Variants in ZBTB7C observed in about 807,000 individuals in gnomAD.
ZBTB7C encodes the protein zinc finger and BTB domain-containing protein 7C.
ZBTB7C carries 8 observed loss-of-function variants against 25.7 expected under a neutral mutation model. That is an observed-to-expected ratio of 0.31 (90% CI 0.18 to 0.56). ZBTB7C has a LOEUF of 0.56. Among genes scored for constraint, ZBTB7C ranks in the 20% least tolerant of loss-of-function variants. The pLI is 0.91. For synonymous variants in ZBTB7C, 394 were observed against 369.0 expected (o/e 1.07, Z -0.78); for missense variants, 824 against 855.2 (o/e 0.96, Z 0.46).
At chr18:48,126,703 G>C (rs1024922377) in intron 3 of ZBTB7C, among the ~76,000 whole-genome samples, 1 of 152,164 alleles carries the variant, frequency 6.6e-6, no homozygotes, top group Admixed American at 6.5e-5. Context: ...CTGGGAGAAA[G>C]GGGGGAGGAC....
intron 3 of ZBTB7C, among the ~76,000 whole-genome samples, chr18:48,160,567 C>A (rs961859119): frequency 1.3e-5 from 2 of 152,120 alleles, no homozygotes; most frequent in African/African-American, 4.8e-5. Flanking sequence ...GTTAAAGATC[C>A]CGGTTAAATA....
chr18:48,089,343 G>A (rs371388169), intron 3 of ZBTB7C, among the ~76,000 whole-genome samples: 122 of 151,966 alleles, frequency 8.0e-4, no homozygotes, highest in African/African-American at 2.7e-3. Context: ...GGTGGTGGGC[G>A]CCTGTATAAT....
intron 3 of ZBTB7C, among the ~76,000 whole-genome samples, chr18:48,062,283 T>C (rs1222656972): frequency 2.0e-5 from 3 of 152,186 alleles, no homozygotes; most frequent in Admixed American, 6.5e-5. Flanking sequence ...TTAAGGGGCT[T>C]GATCCCCAGA....
At chr18:48,297,261 A>G (rs2045421726) in intron 2 of ZBTB7C, among the ~76,000 whole-genome samples, 1 of 152,160 alleles carries the variant, frequency 6.6e-6, no homozygotes, top group East Asian at 1.9e-4. Context: ...AAAAGTATTG[A>G]CATATGGTGA....
At chr18:48,136,513 C>G (rs1001068517) in intron 3 of ZBTB7C, among the ~76,000 whole-genome samples, 3 of 152,160 alleles carry the variant, frequency 2.0e-5, no homozygotes, top group Admixed American at 1.3e-4. Context: ...TTTTGTCCCC[C>G]CTCCCTCCCG....
intron 1 of ZBTB7C, among the ~76,000 whole-genome samples, chr18:48,343,624 C>T (rs914012518): frequency 1.3e-5 from 2 of 152,194 alleles, no homozygotes; most frequent in Non-Finnish European, 2.9e-5. Flanking sequence ...GGGTAAGCAA[C>T]TTAATTTCTC....
At chr18:48,395,616 A>T (rs1404599119) in intron 1 of ZBTB7C, among the ~76,000 whole-genome samples, 1 of 152,080 alleles carries the variant, frequency 6.6e-6, no homozygotes, top group Admixed American at 6.6e-5. Flanking sequence ...ACTGGTAAAA[A>T]TGTTAGTCTG....
intron 2 of ZBTB7C, among the ~76,000 whole-genome samples, chr18:48,260,735 A>T (rs1477772412): frequency 6.6e-6 from 1 of 152,192 alleles, no homozygotes; most frequent in Non-Finnish European, 1.5e-5. Context: ...ACCAAAGCAC[A>T]AGACACCAGT....
rs1296088787 is a variant in ZBTB7C at position 48,120,191 on chromosome 18, T to C, written c.-17+65743A>G. Among the ~76,000 whole-genome samples, 9 of 152,276 alleles carry C rather than the reference T, an allele frequency of 5.9e-5. 1 individual carries two copies. The highest frequency in any genetic ancestry group is 1.9e-4 in the African/African-American group (8 of 41,546). Reference sequence around the variant, plus strand: ...CATTGAGGAGTTGGAAGCAGCAGACTGACAGATCTTACTTATGGTTTAAAA... The same window carrying C: ...CATTGAGGAGTTGGAAGCAGCAGACCGACAGATCTTACTTATGGTTTAAAA... On this transcript the variant is annotated intron_variant, in intron 3 of 4. Coordinates refer to ENST00000590800, the MANE Select transcript of ZBTB7C (RefSeq NM_001318841.2).
At chr18:48,144,289 ATTT>A (rs78973683) in intron 3 of ZBTB7C, among the ~76,000 whole-genome samples, 21,860 of 151,272 alleles carry the variant, frequency 0.14, 1,763 homozygotes, top group South Asian at 0.23. Context: ...AAAAAAAAAA[ATTT>A]TTTTTTTCTT....
rs1018461035 is a variant in ZBTB7C, at chr18:48,063,922, A to G, written c.-16-22799T>C. Reference sequence around the variant, plus strand: ...TATATAATTTATAATTGATAATTAAATACTTATTAATAAGGACAGTGACAA... The same window carrying G: ...TATATAATTTATAATTGATAATTAAGTACTTATTAATAAGGACAGTGACAA... On this transcript the variant is annotated intron_variant, in intron 3 of 4. Transcript: ENST00000590800. 1.4e-4 allele frequency among the ~76,000 whole-genome samples: 22 copies of G among 151,814 alleles called. 1 individual carries two copies. The highest frequency in any genetic ancestry group is 5.3e-4 in the African/African-American group (22 of 41,386).
intron 2 of ZBTB7C, among the ~76,000 whole-genome samples, chr18:48,309,903 A>G (rs1051433652): frequency 6.6e-6 from 1 of 152,148 alleles, no homozygotes; most frequent in Non-Finnish European, 1.5e-5. Flanking sequence ...AGAGTTGCAA[A>G]TGTCAAGTGC....
intron 3 of ZBTB7C, among the ~76,000 whole-genome samples, chr18:48,159,057 G>C (rs1476642061): frequency 6.6e-6 from 1 of 151,994 alleles, no homozygotes; most frequent in Non-Finnish European, 1.5e-5. Flanking sequence ...GAGGCGACAG[G>C]GGATGCAGAG....
chr18:48,305,269 C>T (rs1336856678), intron 2 of ZBTB7C, among the ~76,000 whole-genome samples: 1 of 152,148 alleles, frequency 6.6e-6, no homozygotes. Flanking sequence ...CCCAGCCATC[C>T]ATACCTGAGA....
At chr18:48,091,579 G>C (rs749631702) in intron 3 of ZBTB7C, among the ~76,000 whole-genome samples, 1 of 152,038 alleles carries the variant, frequency 6.6e-6, no homozygotes, top group Non-Finnish European at 1.5e-5. Context: ...TTCCAGGGTG[G>C]GTCTCATTTA....
intron 2 of ZBTB7C, among the ~76,000 whole-genome samples, chr18:48,221,198 C>CCT: frequency 6.7e-6 from 1 of 149,802 alleles, no homozygotes; most frequent in Non-Finnish European, 1.5e-5. Context: ...TATACTGTCC[C>CCT]AGTCTCCCTC....
intron 3 of ZBTB7C, among the ~76,000 whole-genome samples, chr18:48,145,656 A>G (rs1337267933): frequency 6.6e-6 from 1 of 152,218 alleles, no homozygotes; most frequent in Non-Finnish European, 1.5e-5. Context: ...ATAGATATAG[A>G]CCAGTGAGCT....
In ZBTB7C at chr18:48,368,384, G is replaced by GA. The variant is rs746332404; in HGVS notation, c.-303-29987dup. 4.0e-5 allele frequency among the ~76,000 whole-genome samples: 6 copies of GA among 151,362 alleles called. No homozygotes were observed. In the East Asian group the frequency reaches 5.8e-4, roughly 15 times the overall value. On this transcript the variant is annotated intron_variant, in intron 1 of 4. Coordinates refer to ENST00000590800, the MANE Select transcript of ZBTB7C (RefSeq NM_001318841.2). The stretch of plus-strand genomic sequence containing the variant: ...GGAAAGAATCAGTAACTGATAGATA[G>GA]AAAAAAAAAGTTACTCAATCTGAAA...
chr18:48,301,135 CA>C (rs952556922), intron 2 of ZBTB7C, among the ~76,000 whole-genome samples: 3 of 152,124 alleles, frequency 2.0e-5, no homozygotes, highest in African/African-American at 7.2e-5. Flanking sequence ...GAAGAGAACT[CA>C]AAGGATAAGA....
Sources: gnomAD v4.1 joint callset for allele counts (sites outside exome capture counted in the v4.1 genomes callset) on GRCh38, gnomAD v4.1.1 for gene constraint, MANE v1.5 for transcripts, NCBI Gene and HGNC (gene_info 2026-07-23, HGNC 2026-07-21) for gene names.